The following ITGBL1 variants were observed in gnomAD, a reference collection of about 807,000 sequenced individuals.
The protein encoded by ITGBL1 is integrin subunit beta like 1.
In ITGBL1, 51 loss-of-function variants were observed where a neutral mutation model predicts 68.5. The observed-to-expected ratio is 0.74, with a 90% CI of 0.59 to 0.94. The LOEUF (loss-of-function observed/expected upper bound fraction) is 0.94. ITGBL1 is among the 40% of genes least tolerant of loss of function. ITGBL1 has a pLI of 0.00. For synonymous variants in ITGBL1, 209 were observed against 227.3 expected (o/e 0.92, Z 0.72); for missense variants, 649 against 647.4 (o/e 1.00, Z -0.03).
intron 2 of ITGBL1, among the ~76,000 whole-genome samples, chr13:101,564,236 C>T (rs2050145381): frequency 6.6e-6 from 1 of 151,790 alleles, no homozygotes; most frequent in South Asian, 2.1e-4. Flanking sequence ...ACTTGATTTC[C>T]ATACTTACTA....
chr13:101,461,063 A>C (rs2048311067), intron 2 of ITGBL1, among the ~76,000 whole-genome samples: 1 of 152,318 alleles, frequency 6.6e-6, no homozygotes, highest in Non-Finnish European at 1.5e-5. Context: ...AGAGGAACAT[A>C]TTTATAGCAT....
intron 3 of ITGBL1, among the ~76,000 whole-genome samples, 159 bp downstream of exon 3, chr13:101,568,004 C>T (rs939794599): frequency 4.6e-5 from 7 of 152,000 alleles, no homozygotes; most frequent in African/African-American, 1.5e-4. Context: ...AAAAAAAATG[C>T]CATCTTGCTG....
intron 7 of ITGBL1, among the ~76,000 whole-genome samples, chr13:101,670,839 GTTATAT>G (rs147329005): frequency 0.019 from 2,872 of 152,206 alleles, 85 homozygotes; most frequent in African/African-American, 0.066. Flanking sequence ...TCTTTTTCAA[GTTATAT>G]TTATATGAAT....
chr13:101,513,387 A>G (rs191269768), intron 2 of ITGBL1, among the ~76,000 whole-genome samples: 238 of 152,208 alleles, frequency 1.6e-3, no homozygotes, highest in Non-Finnish European at 2.6e-3. Flanking sequence ...GTAAGACTAA[A>G]TGAGAATTAC....
Position 101,714,438 on chromosome 13 carries a change from G to A in ITGBL1, c.1280G>A (p.Gly427Asp), listed in dbSNP as rs762442232. The A allele has an allele frequency of 5.7e-6, 9 of 1,572,392 alleles. No individual in the cohort carries two copies. Among genetic ancestry groups the A allele is most frequent in the Non-Finnish European group, 7.0e-6 (8 of 1,142,476 alleles). ...TGAGTAATAGCCTTTGTAATTTCAGGTTCTTGTCATTGTGGGAAGTGCATT... is the reference window on the plus strand; with the variant it reads ...TGAGTAATAGCCTTTGTAATTTCAGATTCTTGTCATTGTGGGAAGTGCATT... ...SADGILCSGK[G>D]SCHCGKCICS... is the part of the protein sequence containing the mutation. The change falls in exon 10 of 11, where the codon GGT (glycine) becomes GAT (aspartate). Residue 427 changes from glycine (G) to aspartate (D), a missense_variant and splice_region_variant. By Grantham distance (94) the Gly-to-Asp change is moderately conservative (BLOSUM62 -1). Coordinates refer to ENST00000376180, the MANE Select transcript of ITGBL1 (RefSeq NM_004791.3).
intron 7 of ITGBL1, among the ~76,000 whole-genome samples, chr13:101,606,036 A>G (rs1041975678): frequency 2.7e-5 from 4 of 146,506 alleles, no homozygotes; most frequent in Non-Finnish European, 4.5e-5. Flanking sequence ...TATAGCATAT[A>G]TATGATATAA....
chr13:101,544,036 G>A (rs781566339), intron 2 of ITGBL1, among the ~76,000 whole-genome samples: 2 of 152,066 alleles, frequency 1.3e-5, no homozygotes, highest in African/African-American at 2.4e-5. Context: ...ATTGTCTGAC[G>A]CCTTCTTCTC....
chr13:101,621,017 G>A (rs1378466733), intron 7 of ITGBL1, among the ~76,000 whole-genome samples: 1 of 152,150 alleles, frequency 6.6e-6, no homozygotes, highest in Non-Finnish European at 1.5e-5. Flanking sequence ...CAATTGTGAA[G>A]ATGGAGCAGG....
intron 7 of ITGBL1, among the ~76,000 whole-genome samples, chr13:101,655,644 A>G (rs1019841586): frequency 6.6e-6 from 1 of 152,132 alleles, no homozygotes; most frequent in African/African-American, 2.4e-5. Context: ...TTATCTCTTG[A>G]CATTTAAAAC....
intron 2 of ITGBL1, among the ~76,000 whole-genome samples, chr13:101,487,184 A>G (rs2048713144): frequency 6.6e-6 from 1 of 152,208 alleles, no homozygotes; most frequent in Admixed American, 6.5e-5. Flanking sequence ...ATGTGTAGTT[A>G]CAGCTCCAAG....
intron 7 of ITGBL1, among the ~76,000 whole-genome samples, chr13:101,611,085 TG>T (rs536350198): frequency 6.6e-6 from 1 of 152,134 alleles, no homozygotes; most frequent in Non-Finnish European, 1.5e-5. Context: ...GGAGACAGCC[TG>T]GGGGGAAATA....
chr13:101,530,391 T>C (rs74902637), intron 2 of ITGBL1, among the ~76,000 whole-genome samples: 6,817 of 152,224 alleles, frequency 0.045, 203 homozygotes, highest in Middle Eastern at 0.071. Flanking sequence ...ATATTAGCAA[T>C]TGCCTTGCTG....
At chr13:101,612,917 C>T (rs573663831) in intron 7 of ITGBL1, among the ~76,000 whole-genome samples, 12 of 152,218 alleles carry the variant, frequency 7.9e-5, no homozygotes, top group South Asian at 2.1e-4. Flanking sequence ...CCTCAGCGTC[C>T]GTAGCTTATC....
intron 7 of ITGBL1, among the ~76,000 whole-genome samples, chr13:101,623,130 C>T (rs1448330112): frequency 6.6e-6 from 1 of 151,902 alleles, no homozygotes; most frequent in African/African-American, 2.4e-5. Context: ...AAATATTATT[C>T]TCTATTTAAA....
chr13:101,564,653 A>G (rs908956069), intron 2 of ITGBL1, among the ~76,000 whole-genome samples: 96 of 149,730 alleles, frequency 6.4e-4, no homozygotes, highest in Non-Finnish European at 1.2e-3. Context: ...ATACATATAT[A>G]TGACAATGAA....
chr13:101,455,754 G>A (rs962554266), intron 2 of ITGBL1, among the ~76,000 whole-genome samples: 3 of 152,190 alleles, frequency 2.0e-5, no homozygotes, highest in African/African-American at 4.8e-5. Context: ...ATAATTAAGG[G>A]TAGCCCTTTG....
At chr13:101,510,948 C>A (rs1205601883) in intron 2 of ITGBL1, among the ~76,000 whole-genome samples, 3 of 151,990 alleles carry the variant, frequency 2.0e-5, no homozygotes, top group Admixed American at 1.3e-4. Context: ...TGTATGTTGT[C>A]TGTTTAGTCT....
chr13:101,498,375 C>T (rs187376751), intron 2 of ITGBL1, among the ~76,000 whole-genome samples: 8 of 152,144 alleles, frequency 5.3e-5, no homozygotes, highest in Admixed American at 5.2e-4. Flanking sequence ...AATGATTTGT[C>T]TTAGAGTAGA....
At chr13:101,605,035 C>CAT (rs1222613029) in intron 7 of ITGBL1, among the ~76,000 whole-genome samples, 2 of 103,846 alleles carry the variant, frequency 1.9e-5, no homozygotes, top group African/African-American at 3.5e-5. Flanking sequence ...TGTATATATA[C>CAT]ATATACGCAT....
Sources: gnomAD v4.1 joint callset for allele counts (sites outside exome capture counted in the v4.1 genomes callset) on GRCh38, gnomAD v4.1.1 for gene constraint, MANE v1.5 for transcripts, NCBI Gene and HGNC (gene_info 2026-07-23, HGNC 2026-07-21) for gene names.